RAB7A: variants seen among roughly 807,000 people sequenced by gnomAD.
RAB7A encodes the protein ras-related protein Rab-7a.
Under a neutral mutation model 24.5 loss-of-function variants are expected in RAB7A, and 2 were observed. The ratio of observed to expected loss-of-function variants is 0.08; its 90% CI spans 0.03 to 0.26. The LOEUF is 0.26. Among genes scored for constraint, RAB7A ranks in the 10% least tolerant of loss-of-function variants. The pLI, the probability that RAB7A is intolerant of heterozygous loss-of-function variation, is 1.00. For synonymous variants in RAB7A, 100 were observed against 95.9 expected, an observed-to-expected ratio of 1.04 and a Z score of -0.25; for missense variants, 118 against 255.7, an observed-to-expected ratio of 0.46 and a Z score of 3.67.
intron 1 of RAB7A, among the ~76,000 whole-genome samples, chr3:128,738,382 C>A (rs2070514199): frequency 6.6e-6 from 1 of 152,170 alleles, no homozygotes; most frequent in Admixed American, 6.5e-5. Flanking sequence ...CAAATGGTCT[C>A]CAGCTTGCCT....
intron 1 of RAB7A, among the ~76,000 whole-genome samples, chr3:128,771,971 C>G (rs1017139171): frequency 1.3e-5 from 2 of 152,158 alleles, no homozygotes; most frequent in African/African-American, 2.4e-5. Context: ...CCTCAAAACT[C>G]AGGTGGAGAT....
In RAB7A at chr3:128,813,824, T is replaced by C; in HGVS notation, c.*402T>C. Reference sequence around the variant, plus strand: ...AGTTAATCTGTGTCTAATTATCTGATTTTTTTTATTGGTCTTGTGGTCTTT... The same window carrying C: ...AGTTAATCTGTGTCTAATTATCTGACTTTTTTTATTGGTCTTGTGGTCTTT... On this transcript the variant is annotated 3_prime_UTR_variant, in exon 6 of 6. Transcript: ENST00000265062. The C allele has an allele frequency of 3.6e-6, 1 of 281,604 alleles. No individual in the cohort carries two copies. Among genetic ancestry groups the C allele is most frequent in the Middle Eastern group, 4.3e-4 (1 of 2,328 alleles). 17.4% of individuals were successfully genotyped at this position (281,604 alleles called of 1,614,324 possible).
At chr3:128,740,409 A>C (rs1409872383) in intron 1 of RAB7A, among the ~76,000 whole-genome samples, 1 of 152,190 alleles carries the variant, frequency 6.6e-6, no homozygotes, top group Non-Finnish European at 1.5e-5. Context: ...TTATCTAATC[A>C]TTTCCTTAAG....
intron 1 of RAB7A, among the ~76,000 whole-genome samples, chr3:128,773,759 T>C (rs2107602058): frequency 6.6e-6 from 1 of 152,354 alleles, no homozygotes; most frequent in East Asian, 1.9e-4. Context: ...TGCCTTGGGA[T>C]GCTGTTGATC....
chr3:128,793,233 G>A (rs1933498441), intron 1 of RAB7A, among the ~76,000 whole-genome samples: 1 of 152,146 alleles, frequency 6.6e-6, no homozygotes, highest in Non-Finnish European at 1.5e-5. Flanking sequence ...GTGTTAGCCA[G>A]GCTGGTCTCG....
chr3:128,745,126 G>A (rs557517372), intron 1 of RAB7A, among the ~76,000 whole-genome samples: 1 of 151,930 alleles, frequency 6.6e-6, no homozygotes, highest in South Asian at 2.1e-4. Context: ...CACCCGTCTC[G>A]GCCTCCCAAA....
At chr3:128,813,291 C>G (rs756883603) in intron 5 of RAB7A, 36 bp from the exon 6 acceptor site, 9 of 1,588,528 alleles carry the variant, frequency 5.7e-6, no homozygotes, top group Non-Finnish European at 6.9e-6. Context: ...GTTTCTATTC[C>G]CTGAGTAACC....
intron 3 of RAB7A, 60 bp from the exon 4 acceptor site, chr3:128,806,312 A>G (rs1183139401): frequency 1.3e-6 from 2 of 1,487,186 alleles, no homozygotes; most frequent in Non-Finnish European, 9.3e-7. Flanking sequence ...CCCCTTGCAT[A>G]CATGCTCCTG....
intron 1 of RAB7A, among the ~76,000 whole-genome samples, chr3:128,782,320 T>C (rs1933238167): frequency 6.6e-6 from 1 of 152,152 alleles, no homozygotes; most frequent in Non-Finnish European, 1.5e-5. Context: ...TCTAGCTGAA[T>C]GGAGAAACAC....
At chr3:128,758,274 GTTTT>G (rs35360318) in intron 1 of RAB7A, among the ~76,000 whole-genome samples, 1 of 126,724 alleles carries the variant, frequency 7.9e-6, no homozygotes, top group Admixed American at 8.0e-5. Context: ...TTGTTTTTTT[GTTTT>G]TTTTTTTTTT....
intron 1 of RAB7A, chr3:128,764,434 G>T: frequency 1.3e-6 from 1 of 746,462 alleles, no homozygotes; most frequent in Non-Finnish European, 2.4e-6. Flanking sequence ...CAGGGAATTC[G>T]CCCCATGGCT....
At chr3:128,797,137 G>A (rs752151995) in intron 2 of RAB7A, among the ~76,000 whole-genome samples, 1 of 152,162 alleles carries the variant, frequency 6.6e-6, no homozygotes, top group Non-Finnish European at 1.5e-5. Flanking sequence ...GCCCTTGTTC[G>A]ATTCCAGGTT....
At position 128,778,603 on chromosome 3, in the gene RAB7A, A is replaced by C. The variant is rs549387611; in HGVS notation, c.-8-16757A>C. Among the ~76,000 whole-genome samples the C allele has an allele frequency of 3.3e-5, 5 of 152,362 alleles. No individual in the cohort carries two copies. The South Asian group carries it at 1.0e-3, about 32-fold the overall frequency. ...TTATTCAGAACTTCAGAACTGAGAA[A>C]GTTTTTGGAGTTTTGGAAGTTTATA... On this transcript the variant is annotated intron_variant, in intron 1 of 5. Coordinates refer to ENST00000265062, the MANE Select transcript of RAB7A (RefSeq NM_004637.6).
chr3:128,765,034 AG>A (rs2070815577), intron 1 of RAB7A: 1 of 1,436,486 alleles, frequency 7.0e-7, no homozygotes, highest in Non-Finnish European at 9.6e-7. Context: ...AACTAAGGAG[AG>A]GTGGCGGCGG....
At chr3:128,737,823 T>G (rs2712403) in intron 1 of RAB7A, among the ~76,000 whole-genome samples, 2 of 118,582 alleles carry the variant, frequency 1.7e-5, no homozygotes, top group African/African-American at 6.5e-5. Flanking sequence ...TATTTTTTTG[T>G]AGTTTTTTTT....
chr3:128,794,847 C>T (rs1453070041), intron 1 of RAB7A, among the ~76,000 whole-genome samples: 4 of 151,874 alleles, frequency 2.6e-5, no homozygotes, highest in Non-Finnish European at 5.9e-5. Context: ...AAACTGTCTT[C>T]ATGGAGATTG....
intron 5 of RAB7A, among the ~76,000 whole-genome samples, chr3:128,808,915 G>T (rs1472872626): frequency 6.6e-6 from 1 of 152,148 alleles, no homozygotes; most frequent in South Asian, 2.1e-4. Flanking sequence ...TCTGCACTAA[G>T]TGTTCCAGAA....
chr3:128,787,609 T>C (rs1258130805), intron 1 of RAB7A, among the ~76,000 whole-genome samples: 1 of 152,250 alleles, frequency 6.6e-6, no homozygotes, highest in Non-Finnish European at 1.5e-5. Context: ...TACACTGTTG[T>C]TTTGATGGCT....
intron 1 of RAB7A, among the ~76,000 whole-genome samples, chr3:128,755,799 G>C (rs1424115982): frequency 2.0e-5 from 3 of 151,858 alleles, no homozygotes; most frequent in Non-Finnish European, 2.9e-5. Context: ...TTAAGTTTTA[G>C]GGTACATGTG....
Sources: allele counts gnomAD v4.1 joint callset (sites outside exome capture counted in the v4.1 genomes callset), GRCh38; gene constraint gnomAD v4.1.1; transcripts MANE v1.5; gene names NCBI Gene and HGNC (gene_info 2026-07-23, HGNC 2026-07-21).